REEP1: variants seen among roughly 807,000 people sequenced by gnomAD.
REEP1 encodes the protein receptor accessory protein 1.
In REEP1, 22 loss-of-function variants were observed where a neutral mutation model predicts 40.3. That is an observed-to-expected ratio of 0.55 (90% CI 0.39 to 0.78). REEP1 has a LOEUF of 0.78. Ranked by LOEUF, REEP1 falls within the 30% of genes least tolerant of loss-of-function variation. The pLI is 0.00. For missense variants in REEP1, 280 were observed against 361.1 expected (o/e 0.78, Z 1.82); for synonymous variants, 116 against 139.2 (o/e 0.83, Z 1.17).
intron 1 of REEP1, among the ~76,000 whole-genome samples, chr2:86,298,447 G>A (rs1305068552): frequency 6.6e-6 from 1 of 152,256 alleles, no homozygotes; most frequent in Non-Finnish European, 1.5e-5. Flanking sequence ...GTGCCTACCA[G>A]TATGGGTGTG....
intron 1 of REEP1, among the ~76,000 whole-genome samples, chr2:86,335,381 G>A (rs900829046): frequency 1.3e-5 from 2 of 152,162 alleles, no homozygotes; most frequent in African/African-American, 4.8e-5. Flanking sequence ...CTTGATAGTG[G>A]AAGTAACAAT....
chr2:86,279,565 C>G (rs1032239043), intron 2 of REEP1, among the ~76,000 whole-genome samples: 1 of 152,164 alleles, frequency 6.6e-6, no homozygotes, highest in African/African-American at 2.4e-5. Context: ...AATTAAGGAC[C>G]TTCAGATGGG....
Position 86,268,950 on chromosome 2 carries a change from C to CT in REEP1, c.106-4910dup, listed in dbSNP as rs1286878012. The stretch of plus-strand genomic sequence containing the variant: ...GCAATAACAACAATGAAAAATGGAT[C>CT]TAGGCACTGACCTTACATCTTTCAC... On this transcript the variant is annotated intron_variant, in intron 2 of 8. Coordinates refer to ENST00000538924, the MANE Select transcript of REEP1 (RefSeq NM_001371279.1). Among the ~76,000 whole-genome samples, 13 of 152,222 alleles carry CT rather than the reference C, an allele frequency of 8.5e-5. No homozygotes were observed. The East Asian group carries it at 2.3e-3, about 27-fold the overall frequency.
chr2:86,337,019 CA>C lies in REEP1; in HGVS notation c.32+459del, dbSNP rs981786058. On this transcript the variant is annotated intron_variant, in intron 1 of 8. Coordinates refer to ENST00000538924, the MANE Select transcript of REEP1 (RefSeq NM_001371279.1). This position sits in a 1 kb window ranked among gnomAD's most constrained non-coding sequence, Gnocchi z 5.8. Reference sequence around the variant, plus strand: ...ACCCGTTCCGCGCTGACCCTCCAGGCAGCGCCCCTGGTTCGTCTGCGCTGTC... The same window carrying C: ...ACCCGTTCCGCGCTGACCCTCCAGGCGCGCCCCTGGTTCGTCTGCGCTGTC... 1 of 152,484 alleles carries C rather than the reference CA, an allele frequency of 6.6e-6. No homozygotes were observed. The highest frequency in any genetic ancestry group is 1.5e-5 in the Non-Finnish European group (1 of 68,214). 9.4% of individuals were successfully genotyped at this position (152,484 alleles called of 1,614,324 possible). A position where few individuals can be genotyped will look rare whatever the true frequency, so the allele number is the denominator to read the frequency against.
intron 1 of REEP1, among the ~76,000 whole-genome samples, chr2:86,323,930 A>C (rs1680388381): frequency 6.6e-6 from 1 of 152,230 alleles, no homozygotes; most frequent in Non-Finnish European, 1.5e-5. Flanking sequence ...TTTTGAATAA[A>C]TAGAGCCAGG....
rs546368819 is a variant in REEP1 at position 86,331,373 on chromosome 2, C to T, written c.32+6106G>A. Among the ~76,000 whole-genome samples the T allele has an allele frequency of 2.0e-5, 3 of 152,128 alleles. No individual in the cohort carries two copies. In the East Asian group the frequency reaches 5.8e-4, roughly 29 times the overall value. On this transcript the variant is annotated intron_variant, in intron 1 of 8. Transcript: ENST00000538924. ...TGGCTGAGTGAAGGGAGGCAGGATG[C>T]AGCATGCTACCAGAAGGGAATGGAA...
intron 1 of REEP1, among the ~76,000 whole-genome samples, chr2:86,314,652 G>T (rs555934790): frequency 6.6e-6 from 1 of 151,570 alleles, no homozygotes; most frequent in Admixed American, 6.6e-5. Flanking sequence ...TTCTTCCCCA[G>T]TGTGCTTTTG....
intron 5 of REEP1, among the ~76,000 whole-genome samples, chr2:86,238,119 T>A (rs1342310691): frequency 6.6e-6 from 1 of 152,066 alleles, no homozygotes. Flanking sequence ...AGGCAGAGGT[T>A]GAGGTGAGCC....
At chr2:86,311,263 G>A (rs977467931) in intron 1 of REEP1, among the ~76,000 whole-genome samples, 2 of 152,184 alleles carry the variant, frequency 1.3e-5, no homozygotes, top group Admixed American at 6.5e-5. Flanking sequence ...GGTTCTGCCC[G>A]CATGGTGCCA....
At chr2:86,251,910 C>T in intron 5 of REEP1, 47 bp downstream of exon 5, 2 of 1,314,624 alleles carry the variant, frequency 1.5e-6, no homozygotes, top group Non-Finnish European at 2.2e-6. Context: ...GCAGGGCACA[C>T]TAGAGGGACT....
In REEP1 at chr2:86,215,588, G is replaced by C. The variant is rs1284167171; in HGVS notation, c.*1451C>G. The stretch of plus-strand genomic sequence containing the variant: ...TTGTGACCACTGCATGCATTACACT[G>C]AAAGAAACACCAACTCGAAGCACAA... On this transcript the variant is annotated 3_prime_UTR_variant, in exon 9 of 9. Transcript: ENST00000538924. The C allele has an allele frequency of 6.6e-6, 1 of 152,562 alleles. No individual in the cohort carries two copies. Among genetic ancestry groups the C allele is most frequent in the Non-Finnish European group, 1.5e-5 (1 of 68,004 alleles). The allele number at this position is 152,562 out of a possible 1,614,324, so 9.5% of individuals were successfully genotyped here.
At chr2:86,290,494 A>T (rs1374587121) in intron 1 of REEP1, among the ~76,000 whole-genome samples, 1 of 152,186 alleles carries the variant, frequency 6.6e-6, no homozygotes, top group Non-Finnish European at 1.5e-5. Context: ...CACACTCACA[A>T]GTGAGGTGTG....
intron 2 of REEP1, among the ~76,000 whole-genome samples, chr2:86,279,286 G>C (rs1234887113): frequency 6.6e-6 from 1 of 152,220 alleles, no homozygotes; most frequent in Non-Finnish European, 1.5e-5. Flanking sequence ...GGGAAGTAGG[G>C]AAGAGCAAGA....
At chr2:86,315,816 C>G (rs1224505110) in intron 1 of REEP1, among the ~76,000 whole-genome samples, 1 of 152,206 alleles carries the variant, frequency 6.6e-6, no homozygotes, top group African/African-American at 2.4e-5. Context: ...TGGGTCCTGG[C>G]TGGTTTCAGT....
chr2:86,280,372 C>T (rs1678008365), intron 2 of REEP1, among the ~76,000 whole-genome samples: 1 of 152,226 alleles, frequency 6.6e-6, no homozygotes, highest in East Asian at 1.9e-4. Flanking sequence ...CCATTCTAGT[C>T]ATAAACCAGG....
At chr2:86,311,795 G>A (rs1054689283) in intron 1 of REEP1, among the ~76,000 whole-genome samples, 2 of 152,166 alleles carry the variant, frequency 1.3e-5, no homozygotes, top group African/African-American at 4.8e-5. Flanking sequence ...TGTAGACACT[G>A]AGTATCTGTC....
At chr2:86,327,048 A>T (rs974690241) in intron 1 of REEP1, among the ~76,000 whole-genome samples, 1 of 152,228 alleles carries the variant, frequency 6.6e-6, no homozygotes, top group Non-Finnish European at 1.5e-5. Context: ...TCTGTCGAAC[A>T]AGGGCATGAC....
At chr2:86,222,772 A>C (rs975793645) in intron 7 of REEP1, among the ~76,000 whole-genome samples, 27 of 152,054 alleles carry the variant, frequency 1.8e-4, no homozygotes, top group Admixed American at 1.3e-3. Flanking sequence ...AGTAGACCTA[A>C]CTCCTTTTTA....
At chr2:86,335,138 A>G (rs977790591) in intron 1 of REEP1, among the ~76,000 whole-genome samples, 2 of 152,138 alleles carry the variant, frequency 1.3e-5, no homozygotes, top group African/African-American at 4.8e-5. Context: ...ATACAGGAAA[A>G]TTTCTTGAAG....
Sources: allele counts gnomAD v4.1 joint callset (sites outside exome capture counted in the v4.1 genomes callset), GRCh38; gene constraint gnomAD v4.1.1; non-coding constraint Gnocchi (gnomAD v3.1); transcripts MANE v1.5; gene names NCBI Gene and HGNC (gene_info 2026-07-23, HGNC 2026-07-21).